Variants in GRAMD2B observed in about 807,000 individuals in gnomAD.
GRAMD2B encodes GRAM domain-containing protein 2B.
In GRAMD2B, 41 loss-of-function variants were observed where a neutral mutation model predicts 59.2. The observed-to-expected ratio is 0.69, with a 90% CI of 0.54 to 0.90. The LOEUF is 0.90. Among genes scored for constraint, GRAMD2B ranks in the 40% least tolerant of loss-of-function variants. The probability of loss-of-function intolerance (pLI) is 0.00; values close to 1 mark genes in which losing one functional copy is unlikely to be tolerated. For missense variants in GRAMD2B, 424 were observed against 500.5 expected (o/e 0.85, Z 1.46); for synonymous variants, 161 against 182.7 (o/e 0.88, Z 0.96).
At chr5:126,406,314 C>A (rs1242661886) in intron 1 of GRAMD2B, among the ~76,000 whole-genome samples, 1 of 151,558 alleles carries the variant, frequency 6.6e-6, no homozygotes, top group African/African-American at 2.4e-5. Context: ...ATGTAACTAA[C>A]CTGCACGTTG....
chr5:126,425,731 A>G (rs755316403), intron 1 of GRAMD2B, among the ~76,000 whole-genome samples: 4 of 152,216 alleles, frequency 2.6e-5, no homozygotes, highest in Non-Finnish European at 4.4e-5. Flanking sequence ...ATGCCACTAC[A>G]TTCCAGCCTG....
chr5:126,425,902 G>A (rs781414191), intron 1 of GRAMD2B, among the ~76,000 whole-genome samples: 2 of 152,156 alleles, frequency 1.3e-5, no homozygotes, highest in African/African-American at 4.8e-5. Context: ...CAGAGGGTAC[G>A]AAGTTTCAGT....
intron 1 of GRAMD2B, among the ~76,000 whole-genome samples, chr5:126,372,174 G>C (rs1028498290): frequency 6.6e-6 from 1 of 152,024 alleles, no homozygotes; most frequent in South Asian, 2.1e-4. Flanking sequence ...TATTTTTCAT[G>C]AAAATTTATT....
intron 1 of GRAMD2B, among the ~76,000 whole-genome samples, chr5:126,446,387 G>T (rs1231698060): frequency 6.6e-6 from 1 of 152,070 alleles, no homozygotes; most frequent in East Asian, 1.9e-4. Context: ...AATGTTCATA[G>T]TAAGTGGTTT....
At position 126,472,220 on chromosome 5, in the gene GRAMD2B, A is replaced by G. The variant is rs754066780; in HGVS notation, c.316-18A>G. The G allele has an allele frequency of 2.5e-6, 4 of 1,599,200 alleles. No homozygotes were observed. The South Asian group carries it at 4.5e-5, about 18-fold the overall frequency. Reference sequence around the variant, plus strand: ...AGAAAGTGAGAATGGTGATGCTTGTATTTTGTTCTCATTGTAGTACAAGGC... The same window carrying G: ...AGAAAGTGAGAATGGTGATGCTTGTGTTTTGTTCTCATTGTAGTACAAGGC... On this transcript the variant is annotated intron_variant, in intron 3 of 13. Coordinates refer to ENST00000285689, the MANE Select transcript of GRAMD2B (RefSeq NM_023927.4).
At chr5:126,403,604 G>A (rs550139690) in intron 1 of GRAMD2B, among the ~76,000 whole-genome samples, 1 of 151,854 alleles carries the variant, frequency 6.6e-6, no homozygotes, top group African/African-American at 2.4e-5. Flanking sequence ...AAAGAGCAGG[G>A]GGGAAAAAAT....
intron 2 of GRAMD2B, among the ~76,000 whole-genome samples, chr5:126,468,080 G>A (rs371255179): frequency 7.2e-5 from 11 of 152,208 alleles, no homozygotes; most frequent in East Asian, 1.9e-4. Context: ...TTTGTGTGTC[G>A]TTTCCTCCCA....
chr5:126,488,286 C>T (rs1234631000), intron 12 of GRAMD2B, among the ~76,000 whole-genome samples: 5 of 152,110 alleles, frequency 3.3e-5, no homozygotes, highest in African/African-American at 7.2e-5. Flanking sequence ...CAGTGGCTCA[C>T]GCCTGATTAT....
chr5:126,375,042 C>T (rs1346455492), intron 1 of GRAMD2B, among the ~76,000 whole-genome samples: 1 of 152,170 alleles, frequency 6.6e-6, no homozygotes, highest in Non-Finnish European at 1.5e-5. Flanking sequence ...AATTCATAAA[C>T]ATGGTATAGC....
intron 1 of GRAMD2B, among the ~76,000 whole-genome samples, chr5:126,435,131 G>T (rs1414679415): frequency 1.3e-5 from 2 of 152,174 alleles, no homozygotes; most frequent in Non-Finnish European, 2.9e-5. Flanking sequence ...GGAATACAAG[G>T]CTAAATGAGG....
intron 1 of GRAMD2B, among the ~76,000 whole-genome samples, chr5:126,399,432 C>T (rs899903144): frequency 7.9e-5 from 12 of 151,946 alleles, no homozygotes. Flanking sequence ...GGCAGTTTCC[C>T]CTGTGCTGTT....
At chr5:126,424,822 A>G (rs997314778) in intron 1 of GRAMD2B, among the ~76,000 whole-genome samples, 1 of 152,222 alleles carries the variant, frequency 6.6e-6, no homozygotes, top group African/African-American at 2.4e-5. Flanking sequence ...GGCAGGTGCT[A>G]TTATTTCCAT....
intron 1 of GRAMD2B, among the ~76,000 whole-genome samples, chr5:126,405,458 C>T (rs1026260991): frequency 6.6e-6 from 1 of 151,852 alleles, no homozygotes; most frequent in Non-Finnish European, 1.5e-5. Context: ...TAAGACAATC[C>T]TCACAGAGTT....
chr5:126,428,456 T>C (rs1389637308), intron 1 of GRAMD2B, among the ~76,000 whole-genome samples: 1 of 152,132 alleles, frequency 6.6e-6, no homozygotes, highest in Admixed American at 6.5e-5. Flanking sequence ...TGTTCTAGTT[T>C]GAAAGGTTTT....
At chr5:126,479,711 A>G (rs1263807540) in intron 6 of GRAMD2B, among the ~76,000 whole-genome samples, 1 of 152,234 alleles carries the variant, frequency 6.6e-6, no homozygotes, top group Admixed American at 6.5e-5. Flanking sequence ...CTCGGAAATA[A>G]TTCAAGTTCC....
At chr5:126,471,000 C>T (rs747422957) in intron 3 of GRAMD2B, among the ~76,000 whole-genome samples, 1 of 152,188 alleles carries the variant, frequency 6.6e-6, no homozygotes, top group African/African-American at 2.4e-5. Flanking sequence ...AAAACAAAAG[C>T]TCAGTGAAGC....
chr5:126,395,600 G>C (rs1381513593), intron 1 of GRAMD2B, among the ~76,000 whole-genome samples: 1 of 152,062 alleles, frequency 6.6e-6, no homozygotes, highest in African/African-American at 2.4e-5. Context: ...TTTTTAAATT[G>C]CTAAGATGAA....
At chr5:126,479,504 C>G (rs1771303977) in intron 6 of GRAMD2B, among the ~76,000 whole-genome samples, 1 of 152,200 alleles carries the variant, frequency 6.6e-6, no homozygotes, top group Admixed American at 6.5e-5. Flanking sequence ...CCTTGTCAGG[C>G]CATGCACTAA....
upstream of GRAMD2B, among the ~76,000 whole-genome samples, chr5:126,421,137 G>A (rs1759683220): frequency 6.6e-6 from 1 of 152,122 alleles, no homozygotes; most frequent in South Asian, 2.1e-4. Context: ...TTATGCCAAG[G>A]ATGATAAAAA....
Sources: gnomAD v4.1 joint callset for allele counts (sites outside exome capture counted in the v4.1 genomes callset) on GRCh38, gnomAD v4.1.1 for gene constraint, MANE v1.5 for transcripts, NCBI Gene and HGNC (gene_info 2026-07-23, HGNC 2026-07-21) for gene names.